Variants in NSD1 observed in about 807,000 individuals in gnomAD.
NSD1 encodes the protein nuclear receptor binding SET domain protein 1, also known as histone-lysine N-methyltransferase, H3 lysine-36 specific.
A neutral mutation model predicts 242.7 loss-of-function variants in NSD1; 26 were observed. That is an observed-to-expected ratio of 0.11 (90% CI 0.08 to 0.15). The LOEUF (loss-of-function observed/expected upper bound fraction) is 0.15. NSD1 is among the 10% of genes least tolerant of loss of function. The pLI is 1.00. For synonymous variants in NSD1, 1,106 were observed against 1,178.1 expected (o/e 0.94, Z 1.25); for missense variants, 2,495 against 3,272.8 (o/e 0.76, Z 5.80).
At chr5:177,252,972 G>T (rs1375498495) in intron 12 of NSD1, among the ~76,000 whole-genome samples, 1 of 152,010 alleles carries the variant, frequency 6.6e-6, no homozygotes, top group Non-Finnish European at 1.5e-5. Flanking sequence ...GACACTACCT[G>T]GGCGTATATG....
intron 14 of NSD1, chr5:177,266,205 A>G (rs1757437839): frequency 6.3e-6 from 6 of 952,988 alleles, no homozygotes; most frequent in East Asian, 4.9e-5. Flanking sequence ...TAGCCCATCC[A>G]CTTGCTGATG....
At chr5:177,229,240 A>G in intron 5 of NSD1, among the ~76,000 whole-genome samples, 1 of 151,988 alleles carries the variant, frequency 6.6e-6, no homozygotes, top group Non-Finnish European at 1.5e-5. Context: ...GGTAGTGTAT[A>G]CTCTGAGGTC....
At chr5:177,182,526 A>G (rs1174191382) in intron 2 of NSD1, among the ~76,000 whole-genome samples, 1 of 151,992 alleles carries the variant, frequency 6.6e-6, no homozygotes, top group Non-Finnish European at 1.5e-5. Flanking sequence ...TCCTGGACTC[A>G]AGTGATTGTT....
chr5:177,237,979 C>T (rs1324499932), intron 6 of NSD1, among the ~76,000 whole-genome samples: 1 of 152,162 alleles, frequency 6.6e-6, no homozygotes. Context: ...CCCTTTTCTG[C>T]TCAGCCCCTG....
At chr5:177,209,577 C>G (rs1763170270) in intron 4 of NSD1, 59 bp from the exon 5 acceptor site, 3 of 1,304,886 alleles carry the variant, frequency 2.3e-6, no homozygotes, top group Non-Finnish European at 3.3e-6. Context: ...ATTTCATCTC[C>G]CTTTTCCCCC....
intron 20 of NSD1, among the ~76,000 whole-genome samples, chr5:177,288,218 T>A (rs1759490946): frequency 1.3e-5 from 2 of 152,212 alleles, no homozygotes; most frequent in African/African-American, 4.8e-5. Flanking sequence ...TACCTTTTTT[T>A]AAAGTTTACA....
chr5:177,285,663 G>T (rs1039742976), intron 20 of NSD1, among the ~76,000 whole-genome samples: 1 of 151,530 alleles, frequency 6.6e-6, no homozygotes, highest in African/African-American at 2.4e-5. Context: ...AAGGATATGA[G>T]CAAAACAGTT....
intron 20 of NSD1, among the ~76,000 whole-genome samples, chr5:177,286,629 T>C (rs1375396139): frequency 1.3e-5 from 2 of 152,218 alleles, no homozygotes; most frequent in African/African-American, 4.8e-5. Context: ...TCTCCCTTTT[T>C]CTCTCTAATC....
intron 2 of NSD1, among the ~76,000 whole-genome samples, chr5:177,185,678 A>T (rs1267905438): frequency 8.2e-6 from 1 of 121,748 alleles, no homozygotes; most frequent in Non-Finnish European, 1.6e-5. Flanking sequence ...ATATATATAT[A>T]ATATATATTT....
chr5:177,239,723 A>T (rs1765709041), intron 7 of NSD1, 33 bp from the exon 8 acceptor site: 1 of 1,298,278 alleles, frequency 7.7e-7, no homozygotes, highest in African/African-American at 1.5e-5. Context: ...CCCAGTTTCT[A>T]AATCATCTAA....
At chr5:177,203,741 T>A in intron 3 of NSD1, among the ~76,000 whole-genome samples, 1 of 152,118 alleles carries the variant, frequency 6.6e-6, no homozygotes, top group East Asian at 1.9e-4. Flanking sequence ...GTATATATAT[T>A]TTTGTTGCTG....
intron 2 of NSD1, among the ~76,000 whole-genome samples, chr5:177,153,280 T>C (rs1757875060): frequency 6.6e-6 from 1 of 151,910 alleles, no homozygotes; most frequent in Non-Finnish European, 1.5e-5. Context: ...AGTTGGCTCT[T>C]GATGTACTTA....
intron 12 of NSD1, among the ~76,000 whole-genome samples, chr5:177,256,541 C>T (rs1756485851): frequency 6.6e-6 from 1 of 152,188 alleles, no homozygotes; most frequent in African/African-American, 2.4e-5. Flanking sequence ...CCTCAGCCTC[C>T]TGAAGTGCTG....
chr5:177,269,860 T>C lies in NSD1; in HGVS notation c.5509+53T>C. 1 of 1,459,864 alleles carries C rather than the reference T, an allele frequency of 6.8e-7. No individual in the cohort carries two copies. The highest frequency in any genetic ancestry group is 9.4e-7 in the Non-Finnish European group (1 of 1,058,896). 90.4% of individuals were successfully genotyped at this position (1,459,864 alleles called of 1,614,324 possible). A position where few individuals can be genotyped will look rare whatever the true frequency, so the allele number is the denominator to read the frequency against. Reference sequence around the variant, plus strand: ...CAAACACAGACCTCTGTTACCTGAGTGTCTGATCTGTTTTAGAATTCACAT... The same window carrying C: ...CAAACACAGACCTCTGTTACCTGAGCGTCTGATCTGTTTTAGAATTCACAT... On this transcript the variant is annotated intron_variant, in intron 16 of 22. Transcript: ENST00000439151. This position sits in a 1 kb window ranked among gnomAD's most constrained non-coding sequence, Gnocchi z 5.1.
At chr5:177,249,323 T>C (rs956349196) in intron 11 of NSD1, among the ~76,000 whole-genome samples, 11 of 151,922 alleles carry the variant, frequency 7.2e-5, no homozygotes, top group African/African-American at 1.9e-4. Context: ...TTTAAAAAAT[T>C]TGTCTTTTTT....
rs758781096 is a variant in NSD1, at chr5:177,210,791, C to T, written c.2392C>T (p.Pro798Ser). Reference protein sequence around the residue: ...RSIKCKHKENPVMAEPPVINE... With the variant: ...RSIKCKHKENSVMAEPPVINE... Reference sequence around the variant, plus strand: ...TATAAAGTGCAAACACAAAGAAAATCCAGTTATGGCAGAACCCCCAGTTAT... The same window carrying T: ...TATAAAGTGCAAACACAAAGAAAATTCAGTTATGGCAGAACCCCCAGTTAT... Residue 798 changes from proline to serine, a missense_variant, in exon 5 of 23, where the codon CCA becomes TCA. By Grantham distance (74) the Pro-to-Ser change is moderately conservative. This residue lies in a region of NSD1 where 515 missense variants were observed against 467.0 expected (regional missense o/e 1.10). Transcript: ENST00000439151. The T allele has an allele frequency of 6.2e-7, 1 of 1,614,122 alleles. No homozygotes were observed. Among genetic ancestry groups the T allele is most frequent in the South Asian group, 1.1e-5 (1 of 91,082 alleles).
At chr5:177,203,088 A>T (rs1435653609) in intron 3 of NSD1, among the ~76,000 whole-genome samples, 1 of 151,982 alleles carries the variant, frequency 6.6e-6, no homozygotes. Context: ...GGTTATTTGG[A>T]TTCTTTTCTG....
Position 177,251,696 on chromosome 5 carries a change from G to C in NSD1, c.4642-34G>C, listed in dbSNP as rs749346176. ...GTTTTACTCTTGATTCTCAAACATGGAAAAACAGATAGATGTTTTCTTTCT... is the reference window on the plus strand; with the variant it reads ...GTTTTACTCTTGATTCTCAAACATGCAAAAACAGATAGATGTTTTCTTTCT... On this transcript the variant is annotated intron_variant, in intron 11 of 22. Coordinates refer to ENST00000439151, the MANE Select transcript of NSD1 (RefSeq NM_022455.5). The C allele has an allele frequency of 5.0e-6, 8 of 1,612,180 alleles. No homozygotes were observed. The South Asian group carries it at 8.8e-5, about 18-fold the overall frequency.
intron 2 of NSD1, among the ~76,000 whole-genome samples, chr5:177,177,786 C>G (rs1760328928): frequency 6.6e-6 from 1 of 152,222 alleles, no homozygotes; most frequent in Non-Finnish European, 1.5e-5. Flanking sequence ...TCAACTCTCT[C>G]AAATTGCCTT....
Sources: allele counts gnomAD v4.1 joint callset (sites outside exome capture counted in the v4.1 genomes callset), GRCh38; gene constraint gnomAD v4.1.1; regional missense constraint gnomAD v4.1.1; non-coding constraint Gnocchi (gnomAD v3.1); transcripts MANE v1.5; gene names NCBI Gene and HGNC (gene_info 2026-07-23, HGNC 2026-07-21).